The following TGFBR3 variants were observed in gnomAD, a reference collection of about 807,000 sequenced individuals.
TGFBR3 encodes transforming growth factor beta receptor type 3.
A neutral mutation model predicts 87.9 loss-of-function variants in TGFBR3; 46 were observed. The observed-to-expected ratio is 0.52, with a 90% CI of 0.41 to 0.67. TGFBR3 has a LOEUF of 0.67. Among genes scored for constraint, TGFBR3 ranks in the 30% least tolerant of loss-of-function variants. TGFBR3 has a pLI of 0.00. For synonymous variants in TGFBR3, 381 were observed against 391.6 expected (o/e 0.97, Z 0.32); for missense variants, 866 against 1,041.9 (o/e 0.83, Z 2.32).
rs1044073480 is a variant in TGFBR3 at position 91,729,913 on chromosome 1, G to C, written c.629C>G (p.Ala210Gly). 1.2e-6 allele frequency: 2 copies of C among 1,614,048 alleles called. No individual in the cohort carries two copies. Among genetic ancestry groups the C allele is most frequent in the Admixed American group, 1.7e-5 (1 of 60,000 alleles). Residue 210 changes from alanine (A) to glycine (G), a missense_variant, in exon 6 of 17, where the codon GCT becomes GGT. Ala to Gly is a moderately conservative substitution (Grantham distance 60, BLOSUM62 0). Transcript: ENST00000212355. ...TGCTGCTTTGGGTTGAAGGTACTCA[G>C]CAAGGTAATTGAGTGAGAGAAAATT... Reference protein sequence around the residue: ...GKNFLSLNYLAEYLQPKAAEG... With the variant: ...GKNFLSLNYLGEYLQPKAAEG...
In TGFBR3 at chr1:91,717,734, A is replaced by G. The variant is rs557849070; in HGVS notation, c.1567-1026T>C. Among the ~76,000 whole-genome samples, 44 of 151,764 alleles carry G rather than the reference A, an allele frequency of 2.9e-4. 1 individual carries two copies. The highest frequency in any genetic ancestry group is 1.3e-3 in the Admixed American group (20 of 15,258). ...CCTTTCTCTCTGTACCAGGTCCTCC[A>G]AAGAAAGTACTGACGCCAATTAAAG... On this transcript the variant is annotated intron_variant, in intron 10 of 16. Transcript: ENST00000212355.
chr1:91,813,659 AATGATCTACC>A (rs1557724516), intron 2 of TGFBR3, among the ~76,000 whole-genome samples: 1 of 152,228 alleles, frequency 6.6e-6, no homozygotes, highest in Non-Finnish European at 1.5e-5. Context: ...GGTCAGTACG[AATGATCTACC>A]ATGAACCACA....
At chr1:91,900,275 G>C (rs1052059529) in intron 1 of TGFBR3, among the ~76,000 whole-genome samples, 2 of 151,952 alleles carry the variant, frequency 1.3e-5, no homozygotes, top group African/African-American at 2.4e-5. Context: ...CACCACACCT[G>C]GCTAATTTTT....
intron 2 of TGFBR3, among the ~76,000 whole-genome samples, chr1:91,843,606 G>T (rs1346878636): frequency 1.3e-5 from 2 of 152,162 alleles, no homozygotes; most frequent in Non-Finnish European, 2.9e-5. Context: ...GTGATCCTCT[G>T]GTTTATATGC....
intron 1 of TGFBR3, among the ~76,000 whole-genome samples, chr1:91,875,324 G>C (rs944668837): frequency 6.6e-6 from 1 of 152,160 alleles, no homozygotes; most frequent in Non-Finnish European, 1.5e-5. Flanking sequence ...TACAGAAGGT[G>C]ACACTGTGGA....
chr1:91,707,889 G>C (rs954608011), intron 14 of TGFBR3, among the ~76,000 whole-genome samples: 2 of 152,180 alleles, frequency 1.3e-5, no homozygotes, highest in African/African-American at 4.8e-5. Flanking sequence ...GCGGGTCCTT[G>C]TCAGATGCTC....
intron 4 of TGFBR3, among the ~76,000 whole-genome samples, chr1:91,748,941 T>C (rs751992804): frequency 2.1e-4 from 32 of 151,888 alleles, no homozygotes; most frequent in Non-Finnish European, 4.0e-4. Context: ...CTCAGAAGAG[T>C]ACCTCACACA....
intron 2 of TGFBR3, among the ~76,000 whole-genome samples, chr1:91,797,964 G>A (rs536244509): frequency 1.6e-4 from 25 of 152,240 alleles, no homozygotes; most frequent in African/African-American, 5.8e-4. Context: ...ATGTAGAGGC[G>A]ATCAGGGCCA....
chr1:91,886,342 C>A, upstream of TGFBR3: 1 of 362,384 alleles, frequency 2.8e-6, no homozygotes, highest in Admixed American at 3.5e-5. Context: ...CCCCCTTTGC[C>A]TCCGCGGCTG....
intron 2 of TGFBR3, among the ~76,000 whole-genome samples, chr1:91,823,222 T>C (rs17886832): frequency 1.2e-4 from 19 of 152,106 alleles, no homozygotes; most frequent in African/African-American, 3.6e-4. Context: ...ATATCTGAGG[T>C]GATTCTTAAG....
rs1414939013 is a variant in TGFBR3 at position 91,682,702 on chromosome 1, T to A, written c.*1037A>T. ...GTTTTTATGAAAGGGCCTATTTTTTTTTAAGTTGACATATTTTGAGTGGAA... is the reference window on the plus strand; with the variant it reads ...GTTTTTATGAAAGGGCCTATTTTTTATTAAGTTGACATATTTTGAGTGGAA... On this transcript the variant is annotated 3_prime_UTR_variant, in exon 17 of 17. Transcript: ENST00000212355. The A allele has an allele frequency of 2.2e-6, 1 of 453,900 alleles. No individual in the cohort carries two copies. Among genetic ancestry groups the A allele is most frequent in the East Asian group, 6.9e-5 (1 of 14,398 alleles). The allele number at this position is 453,900 out of a possible 1,614,324, so 28.1% of individuals were successfully genotyped here. A position where few individuals can be genotyped will look rare whatever the true frequency, so the allele number is the denominator to read the frequency against.
Position 91,781,322 on chromosome 1 carries a change from G to C in TGFBR3, c.246+15965C>G, listed in dbSNP as rs887351233. 1.3e-5 allele frequency among the ~76,000 whole-genome samples: 2 copies of C among 152,146 alleles called. 1 individual carries two copies. Among genetic ancestry groups the C allele is most frequent in the African/African-American group, 4.8e-5 (2 of 41,416 alleles). The stretch of plus-strand genomic sequence containing the variant: ...CTCAAACAGCAAAATGGCTAAAAAG[G>C]GCAAAGGGAAAGGAAAAGCTAGAGA... On this transcript the variant is annotated intron_variant, in intron 3 of 16. Coordinates refer to ENST00000212355, the MANE Select transcript of TGFBR3 (RefSeq NM_003243.5).
intron 16 of TGFBR3, 120 bp from the exon 17 acceptor site, chr1:91,683,977 G>A: frequency 1.2e-6 from 1 of 848,272 alleles, no homozygotes; most frequent in South Asian, 1.5e-5. Context: ...AACCAGGGCA[G>A]AAGCAACTAG....
At chr1:91,853,067 G>A (rs1475316362) in intron 2 of TGFBR3, among the ~76,000 whole-genome samples, 4 of 151,618 alleles carry the variant, frequency 2.6e-5, no homozygotes, top group Non-Finnish European at 5.9e-5. Context: ...TCTGTGGGGG[G>A]AAAATGGCTT....
chr1:91,737,350 A>G (rs1009917400), intron 4 of TGFBR3, among the ~76,000 whole-genome samples: 2 of 152,184 alleles, frequency 1.3e-5, no homozygotes, highest in Non-Finnish European at 2.9e-5. Flanking sequence ...GTGTTGTTTT[A>G]GAAGGTATTG....
intron 2 of TGFBR3, among the ~76,000 whole-genome samples, chr1:91,839,259 G>T (rs1323786209): frequency 6.6e-6 from 1 of 152,152 alleles, no homozygotes; most frequent in African/African-American, 2.4e-5. Context: ...ATTTACAAGT[G>T]TGAGCCACCA....
chr1:91,711,019 C>T (rs903313297), intron 13 of TGFBR3, among the ~76,000 whole-genome samples: 1 of 152,194 alleles, frequency 6.6e-6, no homozygotes, highest in Non-Finnish European at 1.5e-5. Context: ...GCAAAGATCC[C>T]TGGTAACTGC....
chr1:91,685,243 T>C (rs1671050144), intron 16 of TGFBR3, among the ~76,000 whole-genome samples: 1 of 152,066 alleles, frequency 6.6e-6, no homozygotes, highest in Admixed American at 6.5e-5. Flanking sequence ...CCTCTAATTA[T>C]CTTTTCTTCT....
chr1:91,716,809 T>C (rs928166143), intron 10 of TGFBR3, 101 bp from the exon 11 acceptor site: 33 of 1,441,160 alleles, frequency 2.3e-5, no homozygotes, highest in Admixed American at 8.4e-5. Context: ...CTGATGCAAA[T>C]TGAAAATCTG....
Sources: allele counts gnomAD v4.1 joint callset (sites outside exome capture counted in the v4.1 genomes callset), GRCh38; gene constraint gnomAD v4.1.1; transcripts MANE v1.5; gene names NCBI Gene and HGNC (gene_info 2026-07-23, HGNC 2026-07-21).